Variants in AASDH observed in about 807,000 individuals in gnomAD.
AASDH encodes the protein aminoadipate-semialdehyde dehydrogenase.
A neutral mutation model predicts 102.3 loss-of-function variants in AASDH; 81 were observed. The observed-to-expected ratio is 0.79, with a 90% CI of 0.66 to 0.95. The LOEUF is 0.95. Among genes scored for constraint, AASDH ranks in the 40% least tolerant of loss-of-function variants. The pLI is 0.00. For missense variants in AASDH, 1,203 were observed against 1,266.2 expected (o/e 0.95, Z 0.76); for synonymous variants, 398 against 454.0 (o/e 0.88, Z 1.57).
intron 11 of AASDH, chr4:56,348,958 G>A (rs1363329431): frequency 7.7e-6 from 3 of 390,152 alleles, no homozygotes; most frequent in Non-Finnish European, 1.4e-5. Context: ...TGAGTTTTGG[G>A]GTATTTGTGA....
At chr4:56,383,988 G>T in intron 2 of AASDH, 82 bp downstream of exon 2, 1 of 1,222,020 alleles carries the variant, frequency 8.2e-7, no homozygotes, top group Non-Finnish European at 1.2e-6. Context: ...ATAGTAAACA[G>T]AACAATAACT....
chr4:56,356,881 G>A (rs1233735741), intron 5 of AASDH: 32 of 964,244 alleles, frequency 3.3e-5, no homozygotes, highest in South Asian at 2.6e-4. Flanking sequence ...GGCTCGCATC[G>A]CCAAGCTCGA....
intron 14 of AASDH, among the ~76,000 whole-genome samples, chr4:56,339,430 C>T (rs1162494156): frequency 1.3e-5 from 2 of 152,092 alleles, no homozygotes; most frequent in Non-Finnish European, 2.9e-5. Context: ...CAGGTGTGAG[C>T]CACCACATCC....
chr4:56,364,032 C>G (rs1424665028), intron 5 of AASDH, among the ~76,000 whole-genome samples: 1 of 151,678 alleles, frequency 6.6e-6, no homozygotes, highest in African/African-American at 2.4e-5. Flanking sequence ...CTTAAAGGAT[C>G]TGAGCTGAAA....
chr4:56,349,171 A>G, intron 11 of AASDH, 92 bp downstream of exon 11: 1 of 1,345,328 alleles, frequency 7.4e-7, no homozygotes, highest in East Asian at 2.4e-5. Flanking sequence ...AACCCATCAT[A>G]TTTAGATTTT....
intron 5 of AASDH, among the ~76,000 whole-genome samples, chr4:56,365,877 A>G (rs1750932643): frequency 6.6e-6 from 1 of 152,246 alleles, no homozygotes; most frequent in Admixed American, 6.5e-5. Flanking sequence ...ATCAGAGCAG[A>G]ACTGAAGGAA....
At chr4:56,357,880 CA>C (rs1385269676) in intron 5 of AASDH, among the ~76,000 whole-genome samples, 2 of 151,388 alleles carry the variant, frequency 1.3e-5, no homozygotes, top group African/African-American at 4.8e-5. Context: ...TCATTTCTAA[CA>C]AAAAAGCCTA....
Position 56,349,255 on chromosome 4 carries a change from A to T in AASDH, c.2488+8T>A. ...TTAACTCCACAAACCTCAAATTCAA[A>T]AACTTACCCACCACAATAAAGTTTC... On this transcript the variant is annotated splice_region_variant and intron_variant, in intron 11 of 14. Transcript: ENST00000205214. 1 of 1,612,630 alleles carries T rather than the reference A, an allele frequency of 6.2e-7. No individual in the cohort carries two copies. Among genetic ancestry groups the T allele is most frequent in the East Asian group, 2.2e-5 (1 of 44,872 alleles).
intron 5 of AASDH, among the ~76,000 whole-genome samples, chr4:56,357,268 G>A (rs371708640): frequency 6.6e-6 from 1 of 152,082 alleles, no homozygotes; most frequent in East Asian, 1.9e-4. Context: ...CTTAGTGTCT[G>A]GTGAGTACTC....
chr4:56,338,533 G>C lies in AASDH; in HGVS notation c.3166C>G (p.Gln1056Glu). The change falls in exon 15 of 15, where the codon CAA becomes GAA. Residue 1056 changes from glutamine (Q) to glutamate (E), a missense_variant. By Grantham distance (29) the Gln-to-Glu change is conservative (BLOSUM62 2). Transcript: ENST00000205214. ...KVWILESQSG[Q>E]LQSVYELPGE... Reference sequence around the variant, plus strand: ...GGAAGTTCATAAACACTTTGCAATTGTCCACTCTGAGATTCCAAGATCCAC... The same window carrying C: ...GGAAGTTCATAAACACTTTGCAATTCTCCACTCTGAGATTCCAAGATCCAC... 6.2e-7 allele frequency: 1 copy of C among 1,612,708 alleles called. No individual in the cohort carries two copies. Among genetic ancestry groups the C allele is most frequent in the East Asian group, 2.2e-5 (1 of 44,766 alleles).
At chr4:56,363,870 G>C (rs1750650283) in intron 5 of AASDH, among the ~76,000 whole-genome samples, 2 of 152,210 alleles carry the variant, frequency 1.3e-5, no homozygotes, top group South Asian at 4.1e-4. Flanking sequence ...AAGCTGGACA[G>C]AGAATGACTT....
In AASDH at chr4:56,384,109, T is replaced by G. The variant is rs762119797; in HGVS notation, c.191A>C (p.Tyr64Ser). ...DFQGIREIGL[Y>S]CQPGIDLPSW... ...GGGTAAGTCTATCCCAGGTTGGCAGTAGAGACCAATTTCCCGAATTCCTTG... is the reference window on the plus strand; with the variant it reads ...GGGTAAGTCTATCCCAGGTTGGCAGGAGAGACCAATTTCCCGAATTCCTTG... The change falls in exon 2 of 15, where the codon TAC (tyrosine) becomes TCC (serine). Residue 64 changes from tyrosine to serine, a missense_variant. Physicochemically the swap from Tyr to Ser is moderately radical, Grantham distance 144 (BLOSUM62 -2). Transcript: ENST00000205214. 3 of 1,614,188 alleles carry G rather than the reference T, an allele frequency of 1.9e-6. No individual in the cohort carries two copies. The highest frequency in any genetic ancestry group is 2.5e-6 in the Non-Finnish European group (3 of 1,180,014).
intron 5 of AASDH, among the ~76,000 whole-genome samples, chr4:56,363,785 A>G (rs1465403456): frequency 6.6e-6 from 1 of 152,196 alleles, no homozygotes; most frequent in African/African-American, 2.4e-5. Flanking sequence ...AACAGAGCAG[A>G]AAAACGGGAA....
chr4:56,356,723 C>G (rs1749682223), intron 5 of AASDH: 1 of 708,880 alleles, frequency 1.4e-6, no homozygotes, highest in African/African-American at 1.7e-5. Context: ...CACAGGAAGA[C>G]CTGTACCACT....
chr4:56,372,645 T>A (rs1303673053), intron 4 of AASDH, among the ~76,000 whole-genome samples: 1 of 152,134 alleles, frequency 6.6e-6, no homozygotes, highest in African/African-American at 2.4e-5. Flanking sequence ...TATAACTATG[T>A]ATATGGTGTC....
At chr4:56,367,777 C>G (rs1457575728) in intron 5 of AASDH, among the ~76,000 whole-genome samples, 1 of 151,304 alleles carries the variant, frequency 6.6e-6, no homozygotes, top group Non-Finnish European at 1.5e-5. Flanking sequence ...AGAAGAAAAC[C>G]TAGGCAATAC....
rs779334772 is a variant in AASDH, at chr4:56,354,815, T to C, written c.1104-4A>G. On this transcript the variant is annotated splice_polypyrimidine_tract_variant and splice_region_variant and intron_variant, in intron 6 of 14. Transcript: ENST00000205214. ...CAGTTGTACAGGCAATTCACATCTA[T>C]GAAAATAAGATACAGAGCAGATTTA... The C allele has an allele frequency of 6.3e-7, 1 of 1,589,074 alleles. No homozygotes were observed. The highest frequency in any genetic ancestry group is 1.2e-5 in the South Asian group (1 of 86,266).
intron 5 of AASDH, among the ~76,000 whole-genome samples, chr4:56,371,031 T>A (rs1560604645): frequency 6.6e-6 from 1 of 152,206 alleles, no homozygotes; most frequent in Admixed American, 6.5e-5. Flanking sequence ...AATACTTGTT[T>A]CTGTAGGTTA....
intron 10 of AASDH, among the ~76,000 whole-genome samples, 193 bp from the exon 11 acceptor site, chr4:56,350,251 T>G (rs1259738137): frequency 6.6e-6 from 1 of 152,128 alleles, no homozygotes; most frequent in Non-Finnish European, 1.5e-5. Context: ...GGTCAGGAGT[T>G]CGAGACCATC....
Sources: gnomAD v4.1 joint callset for allele counts (sites outside exome capture counted in the v4.1 genomes callset) on GRCh38, gnomAD v4.1.1 for gene constraint, MANE v1.5 for transcripts, NCBI Gene and HGNC (gene_info 2026-07-23, HGNC 2026-07-21) for gene names.